Variants in BTLA observed in about 807,000 individuals in gnomAD.
The protein encoded by BTLA is B and T lymphocyte associated.
BTLA carries 11 observed loss-of-function variants against 25.0 expected under a neutral mutation model. That is an observed-to-expected ratio of 0.44 (90% confidence interval 0.28 to 0.73). The LOEUF (loss-of-function observed/expected upper bound fraction) is 0.73. Ranked by LOEUF, BTLA falls within the 30% of genes least tolerant of loss-of-function variation. BTLA has a pLI of 0.15. For missense variants in BTLA, 282 were observed against 332.8 expected, an observed-to-expected ratio of 0.85 and a Z score of 1.19; for synonymous variants, 104 against 119.8, an observed-to-expected ratio of 0.87 and a Z score of 0.86.
intron 1 of BTLA, among the ~76,000 whole-genome samples, chr3:112,488,612 C>T (rs1335642871): frequency 1.3e-5 from 2 of 150,518 alleles, no homozygotes; most frequent in Non-Finnish European, 3.0e-5. Flanking sequence ...ATGCATCACT[C>T]CTTTTTTGTT....
chr3:112,474,982 A>G (rs920251357), intron 2 of BTLA, among the ~76,000 whole-genome samples: 9 of 152,202 alleles, frequency 5.9e-5, no homozygotes, highest in African/African-American at 1.9e-4. Flanking sequence ...GAGTGTTGTT[A>G]TGAAGGAAGT....
At chr3:112,489,498 C>T (rs1353908343) in intron 1 of BTLA, among the ~76,000 whole-genome samples, 1 of 152,134 alleles carries the variant, frequency 6.6e-6, no homozygotes, top group East Asian at 1.9e-4. Context: ...AAAATTCTTA[C>T]AAATTTATGG....
At chr3:112,473,116 C>T (rs1343372648) in intron 2 of BTLA, among the ~76,000 whole-genome samples, 1 of 151,180 alleles carries the variant, frequency 6.6e-6, no homozygotes, top group Non-Finnish European at 1.5e-5. Flanking sequence ...CTCAAAACTC[C>T]CCCTAACTTA....
At chr3:112,489,872 T>C (rs1371354377) in intron 1 of BTLA, among the ~76,000 whole-genome samples, 4 of 152,146 alleles carry the variant, frequency 2.6e-5, no homozygotes, top group Admixed American at 6.5e-5. Context: ...GGAGAGATGA[T>C]GGCCACCAGG....
chr3:112,490,151 G>C (rs1444739977), intron 1 of BTLA, among the ~76,000 whole-genome samples: 1 of 152,142 alleles, frequency 6.6e-6, no homozygotes, highest in South Asian at 2.1e-4. Flanking sequence ...AGGTTAGGGT[G>C]GGGGAGTTCC....
chr3:112,468,963 T>C (rs1370710316), intron 4 of BTLA, among the ~76,000 whole-genome samples: 2 of 152,236 alleles, frequency 1.3e-5, no homozygotes, highest in Admixed American at 1.3e-4. Context: ...AGAGGGTTAC[T>C]ACTTCTTTAT....
intron 1 of BTLA, among the ~76,000 whole-genome samples, chr3:112,482,038 A>G (rs893627618): frequency 6.6e-6 from 1 of 152,112 alleles, no homozygotes; most frequent in Admixed American, 6.5e-5. Context: ...CCAGTTTCCA[A>G]TGGCTTGTTT....
At chr3:112,475,669 A>G (rs1381439730) in intron 2 of BTLA, among the ~76,000 whole-genome samples, 1 of 152,216 alleles carries the variant, frequency 6.6e-6, no homozygotes, top group African/African-American at 2.4e-5. Context: ...GACCTTGGCT[A>G]AATTCATGTC....
chr3:112,480,693 C>T (rs1304029758), intron 1 of BTLA, among the ~76,000 whole-genome samples: 3 of 152,196 alleles, frequency 2.0e-5, no homozygotes, highest in African/African-American at 4.8e-5. Context: ...TTAATACATT[C>T]ATAACCTCTG....
Position 112,465,805 on chromosome 3 carries a change from G to T in BTLA, c.*303C>A. The T allele has an allele frequency of 4.6e-6, 1 of 218,664 alleles. No homozygotes were observed. 13.5% of individuals were successfully genotyped at this position (218,664 alleles called of 1,614,324 possible). ...TTCCAATAGCTTCAAAGGCAAGATCGAGTTTGTATATTGGGTAAAATGTAG... is the reference window on the plus strand; with the variant it reads ...TTCCAATAGCTTCAAAGGCAAGATCTAGTTTGTATATTGGGTAAAATGTAG... On this transcript the variant is annotated 3_prime_UTR_variant, in exon 5 of 5. Coordinates refer to ENST00000334529, the MANE Select transcript of BTLA (RefSeq NM_181780.4).
Position 112,464,885 on chromosome 3 carries a change from C to A in BTLA, c.*1223G>T, listed in dbSNP as rs2082216991. On this transcript the variant is annotated 3_prime_UTR_variant, in exon 5 of 5. Coordinates refer to ENST00000334529, the MANE Select transcript of BTLA (RefSeq NM_181780.4). ...CATATTTGTTGAAATGGATTTTAAC[C>A]TTTGCTATCCACTTTGTATGAAGAC... 6.6e-6 allele frequency: 1 copy of A among 151,904 alleles called. No individual in the cohort carries two copies. The highest frequency in any genetic ancestry group is 2.4e-5 in the African/African-American group (1 of 41,330). 9.4% of individuals were successfully genotyped at this position (151,904 alleles called of 1,614,324 possible).
Position 112,473,611 on chromosome 3 carries a change from CTT to C in BTLA, c.404-2258_404-2257del, listed in dbSNP as rs777897332. Among the ~76,000 whole-genome samples the C allele has an allele frequency of 8.6e-3, 995 of 115,096 alleles. 5 individuals carry two copies. The highest frequency in any genetic ancestry group is 0.035 in the African/African-American group (946 of 26,994). 75.5% of individuals were successfully genotyped at this position (115,096 alleles called of 152,430 possible). A position where few individuals can be genotyped will look rare whatever the true frequency, so the allele number is the denominator to read the frequency against. Reference sequence around the variant, plus strand: ...TTGGGGAAGTTCTTTTTTTCTTCTTCTTTTTTTTTTTTTTTTTTTTTGAGATG... The same window carrying C: ...TTGGGGAAGTTCTTTTTTTCTTCTTCTTTTTTTTTTTTTTTTTTTGAGATG... On this transcript the variant is annotated intron_variant, in intron 2 of 4. Transcript: ENST00000334529.
chr3:112,467,406 A>T (rs1431197038), intron 4 of BTLA, among the ~76,000 whole-genome samples: 2 of 152,212 alleles, frequency 1.3e-5, no homozygotes, highest in Non-Finnish European at 2.9e-5. Context: ...ACAAAGGTTC[A>T]CCTGACAAAG....
At chr3:112,468,148 A>C (rs961986852) in intron 4 of BTLA, among the ~76,000 whole-genome samples, 1 of 152,210 alleles carries the variant, frequency 6.6e-6, no homozygotes, top group African/African-American at 2.4e-5. Flanking sequence ...AAGCATTTTA[A>C]AATTTGTATT....
chr3:112,486,116 C>T (rs2082346261), intron 1 of BTLA, among the ~76,000 whole-genome samples: 1 of 152,012 alleles, frequency 6.6e-6, no homozygotes, highest in Non-Finnish European at 1.5e-5. Context: ...GAGTCCATCT[C>T]AAAAAACAAA....
chr3:112,476,942 T>C (rs1487450899), intron 2 of BTLA, among the ~76,000 whole-genome samples: 2 of 152,228 alleles, frequency 1.3e-5, no homozygotes, highest in African/African-American at 2.4e-5. Flanking sequence ...TCACATTGTA[T>C]GTAACCTTTT....
At chr3:112,488,347 T>A (rs1480259393) in intron 1 of BTLA, among the ~76,000 whole-genome samples, 1 of 148,092 alleles carries the variant, frequency 6.8e-6, no homozygotes, top group Non-Finnish European at 1.5e-5. Context: ...CTCAGCCTCC[T>A]GAGTAGCTGG....
intron 4 of BTLA, 75 bp from the exon 5 acceptor site, chr3:112,466,458 T>C (rs1440761332): frequency 1.5e-6 from 2 of 1,366,520 alleles, no homozygotes; most frequent in Admixed American, 2.5e-5. Context: ...AAACTATGAA[T>C]GAAAAGCTTA....
intron 1 of BTLA, among the ~76,000 whole-genome samples, chr3:112,498,908 G>C (rs937055116): frequency 1.8e-4 from 27 of 152,146 alleles, no homozygotes; most frequent in African/African-American, 6.5e-4. Context: ...CACTCAGTTT[G>C]GAAAGAACGA....
Sources: gnomAD v4.1 joint callset for allele counts (sites outside exome capture counted in the v4.1 genomes callset) on GRCh38, gnomAD v4.1.1 for gene constraint, MANE v1.5 for transcripts, NCBI Gene and HGNC (gene_info 2026-07-23, HGNC 2026-07-21) for gene names.